The following CDH11 variants were observed in gnomAD, a reference collection of about 807,000 sequenced individuals.
The protein encoded by CDH11 is cadherin-11.
A neutral mutation model predicts 67.8 loss-of-function variants in CDH11; 11 were observed. The ratio of observed to expected loss-of-function variants is 0.16; its 90% confidence interval spans 0.10 to 0.27. The LOEUF (loss-of-function observed/expected upper bound fraction) is 0.27, where lower values mean the gene tolerates loss of function less well. CDH11 is among the 10% of genes least tolerant of loss of function. CDH11 has a pLI of 1.00. For missense variants in CDH11, 847 were observed against 1,031.2 expected (o/e 0.82, Z 2.45); for synonymous variants, 419 against 400.0 (o/e 1.05, Z -0.57).
At chr16:65,029,600 C>A (rs2142613771) in intron 2 of CDH11, among the ~76,000 whole-genome samples, 1 of 152,298 alleles carries the variant, frequency 6.6e-6, no homozygotes, top group Non-Finnish European at 1.5e-5. Flanking sequence ...GGTGGCAATT[C>A]TTTCATTTAT....
At chr16:64,971,061 T>A (rs1331441147) in intron 11 of CDH11, among the ~76,000 whole-genome samples, 2 of 152,220 alleles carry the variant, frequency 1.3e-5, no homozygotes, top group African/African-American at 4.8e-5. Flanking sequence ...GCCGTTTTTA[T>A]AATGGACAAA....
At chr16:64,965,759 T>C (rs1047461869) in intron 11 of CDH11, among the ~76,000 whole-genome samples, 1 of 147,928 alleles carries the variant, frequency 6.8e-6, no homozygotes, top group Non-Finnish European at 1.5e-5. Flanking sequence ...GACATTGTTA[T>C]GCGGTGCATG....
intron 2 of CDH11, among the ~76,000 whole-genome samples, chr16:65,016,227 C>A (rs2073304858): frequency 1.3e-5 from 2 of 151,946 alleles, no homozygotes; most frequent in Non-Finnish European, 2.9e-5. Context: ...CAACAATAGC[C>A]TCATAATGAT....
At chr16:65,002,648 C>G (rs535789407) in intron 3 of CDH11, among the ~76,000 whole-genome samples, 17 of 152,316 alleles carry the variant, frequency 1.1e-4, no homozygotes, top group African/African-American at 4.1e-4. Context: ...TAACATTAAT[C>G]TCCTTCAAGT....
chr16:65,106,670 C>G (rs190123451), intron 1 of CDH11, among the ~76,000 whole-genome samples: 1 of 152,200 alleles, frequency 6.6e-6, no homozygotes, highest in East Asian at 1.9e-4. Flanking sequence ...TTTCAACAAC[C>G]CTTCAAAACA....
At position 64,947,917 on chromosome 16, in the gene CDH11, G is replaced by A. The variant is rs757580985; in HGVS notation, c.2077C>T (p.Arg693Cys). ...TGATACTCAGGTTTGATGTCTTTGC[G>A]GGGGATAAATCCATTGATACCATCA... ...NPDGINGFIP[R>C]KDIKPEYQYM... The change falls in exon 13 of 13, where the codon CGC (arginine) becomes TGC (cysteine). Residue 693 changes from arginine (R) to cysteine (C), a missense_variant. This residue lies in a region of CDH11 where 612 missense variants were observed against 678.7 expected (regional missense o/e 0.90). Transcript: ENST00000268603. 3 of 1,614,124 alleles carry A rather than the reference G, an allele frequency of 1.9e-6. No individual in the cohort carries two copies. The highest frequency in any genetic ancestry group is 1.7e-6 in the Non-Finnish European group (2 of 1,180,020).
At chr16:65,036,065 T>C (rs118164069) in intron 2 of CDH11, among the ~76,000 whole-genome samples, 2,784 of 152,296 alleles carry the variant, frequency 0.018, 29 homozygotes, top group Non-Finnish European at 0.025. Context: ...CTGAACACTA[T>C]GCTAAGCACT....
chr16:65,003,084 GTT>G (rs36008729), intron 3 of CDH11, among the ~76,000 whole-genome samples: 38 of 117,408 alleles, frequency 3.2e-4, no homozygotes, highest in African/African-American at 5.8e-4. Context: ...ATCTATCTTT[GTT>G]TTTTTTTTTT....
At chr16:64,987,971 C>T (rs972281862) in intron 7 of CDH11, 186 bp downstream of exon 7, 19 of 476,190 alleles carry the variant, frequency 4.0e-5, no homozygotes, top group African/African-American at 3.8e-4. Flanking sequence ...TTGTCAGCTT[C>T]TCTGCAGTAA....
At chr16:64,982,448 G>A (rs1310144859) in intron 7 of CDH11, 147 bp from the exon 8 acceptor site, 7 of 651,664 alleles carry the variant, frequency 1.1e-5, no homozygotes, top group Non-Finnish European at 1.8e-5. Flanking sequence ...GAGCCATTTG[G>A]TCAGAAAATC....
chr16:65,038,157 C>T (rs1397201864), intron 2 of CDH11, among the ~76,000 whole-genome samples: 1 of 152,062 alleles, frequency 6.6e-6, no homozygotes, highest in Non-Finnish European at 1.5e-5. Context: ...ATCTAGGCTT[C>T]CCGAATGCAG....
intron 11 of CDH11, among the ~76,000 whole-genome samples, chr16:64,961,310 C>T (rs183534437): frequency 0.011 from 1,682 of 152,136 alleles, 15 homozygotes; most frequent in Non-Finnish European, 0.016. Flanking sequence ...TTTTTGTTGT[C>T]GTTATAATAG....
rs138759728 is a variant in CDH11 at position 64,974,710 on chromosome 16, G to A, written c.1254-1670C>T. ...GAGAGGCTCAGCAACTGAGCCCTCAGCAGATAACACTATGTGGAAAGGAGT... is the reference window on the plus strand; with the variant it reads ...GAGAGGCTCAGCAACTGAGCCCTCAACAGATAACACTATGTGGAAAGGAGT... On this transcript the variant is annotated intron_variant, in intron 8 of 12. Transcript: ENST00000268603. Among the ~76,000 whole-genome samples the A allele has an allele frequency of 3.7e-3, 563 of 152,270 alleles. 5 individuals carry two copies. Among genetic ancestry groups the A allele is most frequent in the African/African-American group, 0.013 (535 of 41,552 alleles).
At chr16:64,983,907 A>G (rs74026215) in intron 7 of CDH11, among the ~76,000 whole-genome samples, 1,995 of 152,342 alleles carry the variant, frequency 0.013, 41 homozygotes, top group African/African-American at 0.045. Flanking sequence ...CTAATATCAC[A>G]TAGTCTGTTG....
chr16:65,107,919 C>T (rs571789071), intron 1 of CDH11, among the ~76,000 whole-genome samples: 1 of 152,146 alleles, frequency 6.6e-6, no homozygotes, highest in Non-Finnish European at 1.5e-5. Flanking sequence ...AGCTATTTAT[C>T]AGCAATGCCA....
At chr16:65,067,049 T>C (rs538932358) in intron 1 of CDH11, among the ~76,000 whole-genome samples, 5 of 152,298 alleles carry the variant, frequency 3.3e-5, no homozygotes, top group African/African-American at 1.2e-4. Flanking sequence ...TGGGGAGAGC[T>C]GGAGGGAGGC....
At chr16:65,059,701 A>T (rs1458549888) in intron 1 of CDH11, 1 of 152,200 alleles carries the variant, frequency 6.6e-6, no homozygotes, top group African/African-American at 2.4e-5. Flanking sequence ...CGGGCACTTG[A>T]CAACTGAAGC....
Position 64,964,794 on chromosome 16 carries a change from C to T in CDH11, c.1642+6785G>A, listed in dbSNP as rs191184527. On this transcript the variant is annotated intron_variant, in intron 11 of 12. Coordinates refer to ENST00000268603, the MANE Select transcript of CDH11 (RefSeq NM_001797.4). Reference sequence around the variant, plus strand: ...CGATTTCCTGACCTCGTGATCCACCCGCCTCGGCCTCCCAGAGTGCTGGGA... The same window carrying T: ...CGATTTCCTGACCTCGTGATCCACCTGCCTCGGCCTCCCAGAGTGCTGGGA... Among the ~76,000 whole-genome samples, 195 of 152,128 alleles carry T rather than the reference C, an allele frequency of 1.3e-3. No homozygotes were observed. The South Asian group carries it at 0.022, about 17-fold the overall frequency.
chr16:65,123,048 G>A (rs944428470), upstream of CDH11, among the ~76,000 whole-genome samples: 2 of 152,176 alleles, frequency 1.3e-5, no homozygotes, highest in Admixed American at 6.5e-5. Flanking sequence ...GCTACCGTGA[G>A]GGTTCCCCGG....
Sources: gnomAD v4.1 joint callset for allele counts (sites outside exome capture counted in the v4.1 genomes callset) on GRCh38, gnomAD v4.1.1 for gene constraint, gnomAD v4.1.1 regional missense constraint, MANE v1.5 for transcripts, NCBI Gene and HGNC (gene_info 2026-07-23, HGNC 2026-07-21) for gene names.